Variants in ZFHX3 observed in about 807,000 individuals in gnomAD.
The protein encoded by ZFHX3 is zinc finger homeobox 3.
Under a neutral mutation model 279.1 loss-of-function variants are expected in ZFHX3, and 42 were observed. The observed-to-expected ratio is 0.15, with a 90% CI of 0.12 to 0.19. ZFHX3 has a LOEUF of 0.19. Ranked by LOEUF, ZFHX3 falls within the 10% of genes least tolerant of loss-of-function variation. The probability of loss-of-function intolerance (pLI) is 1.00; values close to 1 mark genes in which losing one functional copy is unlikely to be tolerated. For synonymous variants in ZFHX3, 2,293 were observed against 1,957.8 expected, an observed-to-expected ratio of 1.17 and a Z score of -4.52; for missense variants, 4,981 against 4,754.0, an observed-to-expected ratio of 1.05 and a Z score of -1.40.
intron 1 of ZFHX3, among the ~76,000 whole-genome samples, chr16:73,744,113 G>A (rs778555824): frequency 2.6e-5 from 4 of 152,222 alleles, no homozygotes; most frequent in Non-Finnish European, 5.9e-5. Context: ...ATCCTTGTAA[G>A]ACACTATTCA....
intron 6 of ZFHX3, among the ~76,000 whole-genome samples, chr16:73,139,393 C>T (rs1263036910): frequency 6.6e-6 from 1 of 151,980 alleles, no homozygotes; most frequent in African/African-American, 2.4e-5. Context: ...CCAGGTTAAC[C>T]GTGTTTACTT....
chr16:73,570,487 T>C (rs1393293826), intron 2 of ZFHX3, among the ~76,000 whole-genome samples: 1 of 152,182 alleles, frequency 6.6e-6, no homozygotes, highest in African/African-American at 2.4e-5. Context: ...AAAAATTCCA[T>C]CTCATCAAAT....
intron 5 of ZFHX3, among the ~76,000 whole-genome samples, chr16:72,815,433 A>G (rs538787994): frequency 7.9e-5 from 12 of 151,834 alleles, no homozygotes; most frequent in African/African-American, 2.9e-4. Context: ...GAGTTGTGCA[A>G]GTTCTCCATC....
chr16:73,197,678 T>C (rs1270956158), intron 5 of ZFHX3, among the ~76,000 whole-genome samples: 1 of 152,192 alleles, frequency 6.6e-6, no homozygotes, highest in East Asian at 1.9e-4. Context: ...TTACATACTA[T>C]AGGCAGACAC....
chr16:73,619,187 A>C (rs1313912356), intron 2 of ZFHX3, among the ~76,000 whole-genome samples: 1 of 152,096 alleles, frequency 6.6e-6, no homozygotes, highest in Non-Finnish European at 1.5e-5. Context: ...ACTATGGAGA[A>C]AATAAAAATA....
intron 5 of ZFHX3, among the ~76,000 whole-genome samples, chr16:73,185,536 C>T (rs150113101): frequency 6.6e-6 from 1 of 152,222 alleles, no homozygotes; most frequent in Non-Finnish European, 1.5e-5. Context: ...AAAAGCTATT[C>T]CTTTTGTGTG....
intron 4 of ZFHX3, among the ~76,000 whole-genome samples, chr16:72,837,369 GACA>G (rs2037218468): frequency 6.6e-6 from 1 of 151,912 alleles, no homozygotes; most frequent in Non-Finnish European, 1.5e-5. Context: ...TCTCAAAGAT[GACA>G]ACGACACAAA....
intron 1 of ZFHX3, among the ~76,000 whole-genome samples, chr16:73,755,995 C>T (rs563417726): frequency 6.6e-6 from 1 of 152,146 alleles, no homozygotes; most frequent in Non-Finnish European, 1.5e-5. Context: ...CACTCTCCAC[C>T]GCTTAGAGAG....
intron 2 of ZFHX3, among the ~76,000 whole-genome samples, chr16:73,674,595 C>T (rs916017255): frequency 6.6e-6 from 1 of 152,176 alleles, no homozygotes; most frequent in African/African-American, 2.4e-5. Flanking sequence ...TGTATCCATG[C>T]CCTTGCAATA....
intron 1 of ZFHX3, among the ~76,000 whole-genome samples, chr16:73,682,813 A>G (rs2053024900): frequency 6.7e-6 from 1 of 150,038 alleles, no homozygotes; most frequent in Non-Finnish European, 1.5e-5. Flanking sequence ...AGAAAGAAAG[A>G]GAGAAAGAGA....
rs766823058 is a variant in ZFHX3, at chr16:72,798,652, A to G, written c.4030T>C (p.Leu1344=). Residue 1344 remains leucine (L), a synonymous_variant, in exon 9 of 10, where the codon TTG becomes CTG. Transcript: ENST00000268489. ...PSASTEQSGD[L]KPSPADPGSV... ...CCTGGGTCAGCAGGGGATGGTTTCA[A>G]ATCTCCGCTTTGCTCTGTGCTTGCG... The G allele has an allele frequency of 8.1e-6, 13 of 1,613,420 alleles. No homozygotes were observed. The Admixed American group carries it at 1.8e-4, about 23-fold the overall frequency.
intron 2 of ZFHX3, among the ~76,000 whole-genome samples, chr16:73,525,755 C>T (rs1282085658): frequency 7.2e-5 from 11 of 152,214 alleles, no homozygotes; most frequent in Non-Finnish European, 1.5e-4. Context: ...CAGGCTTAAT[C>T]ACTTGTACAA....
At chr16:73,397,146 C>G (rs727014) in intron 3 of ZFHX3, among the ~76,000 whole-genome samples, 107,922 of 152,142 alleles carry the variant, frequency 0.71, 38,414 homozygotes, top group Non-Finnish European at 0.74. Flanking sequence ...AGTCTATGCA[C>G]TCATGGAGTT....
chr16:73,387,584 A>G (rs1053444684), intron 3 of ZFHX3, among the ~76,000 whole-genome samples: 3 of 152,094 alleles, frequency 2.0e-5, no homozygotes, highest in African/African-American at 7.2e-5. Context: ...ACCCACGGAA[A>G]AATAGCCTCT....
intron 3 of ZFHX3, among the ~76,000 whole-genome samples, chr16:72,893,258 A>G (rs923013320): frequency 3.5e-4 from 53 of 152,356 alleles, no homozygotes; most frequent in African/African-American, 1.3e-3. Context: ...AAATCAGACC[A>G]AGAATCACTA....
chr16:73,741,986 A>C (rs2053661928), intron 1 of ZFHX3, among the ~76,000 whole-genome samples: 1 of 152,202 alleles, frequency 6.6e-6, no homozygotes, highest in Admixed American at 6.6e-5. Context: ...AATAAACCAG[A>C]AGTCCAGCTA....
chr16:73,189,679 T>G (rs1207898685), intron 5 of ZFHX3, among the ~76,000 whole-genome samples: 1 of 152,188 alleles, frequency 6.6e-6, no homozygotes, highest in Non-Finnish European at 1.5e-5. Context: ...CATCTCTCCT[T>G]TCACCTCTCT....
intron 1 of ZFHX3, among the ~76,000 whole-genome samples, chr16:73,688,143 G>A (rs1382989368): frequency 6.6e-6 from 1 of 151,760 alleles, no homozygotes; most frequent in Non-Finnish European, 1.5e-5. Flanking sequence ...GATCACCTGA[G>A]GTCAGAAGTT....
At chr16:73,632,166 A>G (rs2052479533) in intron 2 of ZFHX3, among the ~76,000 whole-genome samples, 1 of 152,188 alleles carries the variant, frequency 6.6e-6, no homozygotes, top group African/African-American at 2.4e-5. Flanking sequence ...CTTATTTAAT[A>G]TACATGTGTT....
Sources: allele counts gnomAD v4.1 joint callset (sites outside exome capture counted in the v4.1 genomes callset), GRCh38; gene constraint gnomAD v4.1.1; transcripts MANE v1.5; gene names NCBI Gene and HGNC (gene_info 2026-07-23, HGNC 2026-07-21).